PRIMA1: variants seen among roughly 807,000 people sequenced by gnomAD.
PRIMA1 encodes the protein proline-rich membrane anchor 1.
A neutral mutation model predicts 17.5 loss-of-function variants in PRIMA1; 7 were observed. The ratio of observed to expected loss-of-function variants is 0.40; its 90% CI spans 0.23 to 0.75. The LOEUF (loss-of-function observed/expected upper bound fraction) is 0.75. Among genes scored for constraint, PRIMA1 ranks in the 30% least tolerant of loss-of-function variants. The pLI is 0.37. For synonymous variants in PRIMA1, 97 were observed against 77.9 expected (o/e 1.25, Z -1.29); for missense variants, 200 against 201.8 (o/e 0.99, Z 0.05).
chr14:93,725,313 G>A lies in PRIMA1; in HGVS notation c.360-3767C>T, dbSNP rs553531681. Among the ~76,000 whole-genome samples the A allele has an allele frequency of 2.4e-3, 366 of 151,164 alleles. 4 individuals are homozygous for A. The highest frequency in any genetic ancestry group is 8.5e-3 in the African/African-American group (352 of 41,484). ...CAGCCGAGGGCTCTCCTGAGAAATG[G>A]TCATGATCTGCTCCCCTCCTGCCAC... On this transcript the variant is annotated intron_variant, in intron 4 of 4. Coordinates refer to ENST00000393140, the MANE Select transcript of PRIMA1 (RefSeq NM_178013.4).
At chr14:93,764,821 G>A (rs765567537) in intron 3 of PRIMA1, among the ~76,000 whole-genome samples, 4 of 152,170 alleles carry the variant, frequency 2.6e-5, no homozygotes, top group South Asian at 2.1e-4. Context: ...GGTACTGCCC[G>A]TAGCAGATGC....
At chr14:93,773,668 T>C (rs1346603613) in intron 3 of PRIMA1, among the ~76,000 whole-genome samples, 1 of 152,154 alleles carries the variant, frequency 6.6e-6, no homozygotes, top group Non-Finnish European at 1.5e-5. Flanking sequence ...TCCTGCTCTT[T>C]CTCCAGTGGC....
chr14:93,737,328 G>C lies in PRIMA1; in HGVS notation c.272C>G (p.Ser91Trp), dbSNP rs1461678706. ...TSCPTEESWW[S>W]GLVIIIAVCC... ...TACGGCAATGATGATCACCAGCCCC[G>C]ACCACCAGCTTTCCTCAGTGGGGCA... Residue 91 changes from serine (S) to tryptophan (W), a missense_variant, in exon 4 of 5, where the codon TCG becomes TGG. By Grantham distance (177) the Ser-to-Trp change is radical. Coordinates refer to ENST00000393140, the MANE Select transcript of PRIMA1 (RefSeq NM_178013.4). 1.2e-6 allele frequency: 2 copies of C among 1,614,010 alleles called. No homozygotes were observed. The highest frequency in any genetic ancestry group is 1.7e-6 in the Non-Finnish European group (2 of 1,180,030).
At chr14:93,782,500 A>G (rs1018577986) in intron 2 of PRIMA1, among the ~76,000 whole-genome samples, 6 of 151,746 alleles carry the variant, frequency 4.0e-5, no homozygotes, top group Non-Finnish European at 8.8e-5. Flanking sequence ...ACATGCCTAT[A>G]GACCCAGCTA....
chr14:93,745,223 A>G lies in PRIMA1; in HGVS notation c.230-7853T>C, dbSNP rs992599953. Among the ~76,000 whole-genome samples the G allele has an allele frequency of 1.1e-4, 16 of 152,236 alleles. No individual in the cohort carries two copies. In the East Asian group the frequency reaches 3.1e-3, roughly 29 times the overall value. The stretch of plus-strand genomic sequence containing the variant: ...ATAGACAGGAACAGTGGGCCTGTGG[A>G]TATGCATAACGCCTTGGTCAGCCTG... On this transcript the variant is annotated intron_variant, in intron 3 of 4. Transcript: ENST00000393140.
intron 4 of PRIMA1, among the ~76,000 whole-genome samples, chr14:93,722,856 A>G (rs1381693625): frequency 5.7e-5 from 1 of 17,466 alleles, no homozygotes; most frequent in Non-Finnish European, 1.4e-4. Flanking sequence ...GGTGGTGAAT[A>G]TCTACACTAA....
At chr14:93,733,091 G>T (rs1252901084) in intron 4 of PRIMA1, among the ~76,000 whole-genome samples, 3 of 152,216 alleles carry the variant, frequency 2.0e-5, no homozygotes, top group African/African-American at 4.8e-5. Flanking sequence ...GCTCCCTATG[G>T]CTGGGAACCC....
chr14:93,763,791 T>G (rs1884805469), intron 3 of PRIMA1, among the ~76,000 whole-genome samples: 1 of 152,080 alleles, frequency 6.6e-6, no homozygotes, highest in Non-Finnish European at 1.5e-5. Context: ...CCACCGTCTC[T>G]TCTCCCGCCC....
intron 4 of PRIMA1, among the ~76,000 whole-genome samples, chr14:93,730,670 C>T (rs1266950325): frequency 6.6e-6 from 1 of 152,216 alleles, no homozygotes; most frequent in African/African-American, 2.4e-5. Context: ...CCCAGGTAAC[C>T]AGATCTTCTC....
intron 3 of PRIMA1, among the ~76,000 whole-genome samples, chr14:93,776,023 G>A (rs1489539800): frequency 6.6e-6 from 1 of 152,208 alleles, no homozygotes; most frequent in Non-Finnish European, 1.5e-5. Flanking sequence ...CGGACTACTG[G>A]GAAACAGAAG....
chr14:93,747,865 G>T (rs533309985), intron 3 of PRIMA1, among the ~76,000 whole-genome samples: 1 of 150,834 alleles, frequency 6.6e-6, no homozygotes, highest in East Asian at 1.9e-4. Context: ...GAGTGTGTGT[G>T]AGTGGGGACT....
chr14:93,719,066 G>C lies in PRIMA1; in HGVS notation c.*2378C>G, dbSNP rs189076268. On this transcript the variant is annotated 3_prime_UTR_variant, in exon 5 of 5. Coordinates refer to ENST00000393140, the MANE Select transcript of PRIMA1 (RefSeq NM_178013.4). ...GAATGGGCGGTCTTGGGCTTGAGGT[G>C]GGGGGTGGATATTAAGTGAATCTTT... 12 of 152,216 alleles carry C rather than the reference G, an allele frequency of 7.9e-5. No homozygotes were observed. Among genetic ancestry groups the C allele is most frequent in the East Asian group, 3.9e-4 (2 of 5,184 alleles). 9.4% of individuals were successfully genotyped at this position (152,216 alleles called of 1,614,324 possible).
intron 3 of PRIMA1, among the ~76,000 whole-genome samples, chr14:93,762,138 G>A (rs1247613105): frequency 6.6e-6 from 1 of 152,168 alleles, no homozygotes; most frequent in African/African-American, 2.4e-5. Context: ...CTGGGACCCT[G>A]TGGGATGCAG....
chr14:93,748,041 T>TGA (rs1555415672), intron 3 of PRIMA1, among the ~76,000 whole-genome samples: 6 of 150,148 alleles, frequency 4.0e-5, no homozygotes, highest in Non-Finnish European at 5.9e-5. Context: ...TGTGTGGGAG[T>TGA]GTGTGAGTGT....
chr14:93,728,463 C>A (rs921358532), intron 4 of PRIMA1, among the ~76,000 whole-genome samples: 1 of 151,982 alleles, frequency 6.6e-6, no homozygotes, highest in Non-Finnish European at 1.5e-5. Context: ...TGAGCGAGGG[C>A]GGAGAGGAGG....
chr14:93,736,874 T>G (rs930898960), intron 4 of PRIMA1, among the ~76,000 whole-genome samples: 2 of 152,256 alleles, frequency 1.3e-5, no homozygotes, highest in South Asian at 4.1e-4. Flanking sequence ...GACTCTTTGG[T>G]GTTTTGCAAC....
intron 3 of PRIMA1, among the ~76,000 whole-genome samples, chr14:93,772,080 C>A (rs1206371951): frequency 2.6e-5 from 4 of 152,212 alleles, no homozygotes; most frequent in African/African-American, 9.6e-5. Context: ...GAGAGCAGAG[C>A]TTCTCTCCAA....
chr14:93,773,804 T>G (rs748042102), intron 3 of PRIMA1, among the ~76,000 whole-genome samples: 1 of 152,024 alleles, frequency 6.6e-6, no homozygotes, highest in South Asian at 2.1e-4. Flanking sequence ...TCTCAAAAGA[T>G]TCATGGTGGC....
intron 3 of PRIMA1, 40 bp downstream of exon 3, chr14:93,779,136 C>T (rs776170196): frequency 7.1e-7 from 1 of 1,417,708 alleles, no homozygotes; most frequent in Non-Finnish European, 9.2e-7. Flanking sequence ...CCTAGGAAAA[C>T]ACAAAGAGAA....
Sources: gnomAD v4.1 joint callset for allele counts (sites outside exome capture counted in the v4.1 genomes callset) on GRCh38, gnomAD v4.1.1 for gene constraint, MANE v1.5 for transcripts, NCBI Gene and HGNC (gene_info 2026-07-23, HGNC 2026-07-21) for gene names.